Variants in CTXND1 observed in about 807,000 individuals in gnomAD.
CTXND1 encodes cortexin domain-containing 1 protein.
At chr15:80,241,309 C>A (rs148814854) in intron 1 of CTXND1, among the ~76,000 whole-genome samples, 1 of 152,190 alleles carries the variant, frequency 6.6e-6, no homozygotes, top group African/African-American at 2.4e-5. Context: ...CCTTTCCTGC[C>A]TCCTGTTCCT....
intron 1 of CTXND1, among the ~76,000 whole-genome samples, chr15:80,209,175 T>G (rs1315381193): frequency 6.6e-6 from 1 of 152,216 alleles, no homozygotes; most frequent in Non-Finnish European, 1.5e-5. Flanking sequence ...TGGATCCTTC[T>G]GGGTGGGGTG....
intron 1 of CTXND1, among the ~76,000 whole-genome samples, chr15:80,212,543 G>T (rs1192734679): frequency 6.6e-6 from 1 of 152,120 alleles, no homozygotes; most frequent in Non-Finnish European, 1.5e-5. Flanking sequence ...AAAGCCAAAG[G>T]TGGGACTGGA....
At chr15:80,248,702 T>C (rs1893661458) in intron 1 of CTXND1, among the ~76,000 whole-genome samples, 1 of 152,182 alleles carries the variant, frequency 6.6e-6, no homozygotes, top group African/African-American at 2.4e-5. Flanking sequence ...GAAGCCAGGG[T>C]AGCCGGAGGG....
At chr15:80,238,056 A>C (rs1893522576) in intron 1 of CTXND1, among the ~76,000 whole-genome samples, 2 of 152,076 alleles carry the variant, frequency 1.3e-5, no homozygotes, top group Non-Finnish European at 2.9e-5. Flanking sequence ...TTTATAAAGC[A>C]AAACACTATA....
intron 1 of CTXND1, among the ~76,000 whole-genome samples, chr15:80,213,756 C>T (rs1331679150): frequency 6.6e-6 from 1 of 152,212 alleles, no homozygotes; most frequent in East Asian, 1.9e-4. Context: ...CGAGGAGCAA[C>T]ATCTTTAGGA....
intron 1 of CTXND1, among the ~76,000 whole-genome samples, chr15:80,246,952 T>C (rs1336611917): frequency 1.3e-5 from 2 of 152,210 alleles, no homozygotes; most frequent in African/African-American, 4.8e-5. Context: ...TTCCCAGGCC[T>C]GCTGTGTGAC....
intron 1 of CTXND1, among the ~76,000 whole-genome samples, chr15:80,232,504 T>TTTC (rs1835276873): frequency 6.6e-6 from 1 of 152,208 alleles, no homozygotes; most frequent in Non-Finnish European, 1.5e-5. Context: ...AGAATCAATC[T>TTTC]TTCTTCTCCA....
rs1037079202 is a variant in CTXND1, at chr15:80,198,312, C to T, written c.*3458G>A. ...CACTAGGCACCATTGCCTGGAAAAC[C>T]CACCACCCATTCTCTGCTTTGGAGA... On this transcript the variant is annotated 3_prime_UTR_variant, in exon 3 of 3. Transcript: ENST00000560778. 17 of 152,314 alleles carry T rather than the reference C, an allele frequency of 1.1e-4. No homozygotes were observed. The highest frequency in any genetic ancestry group is 4.1e-4 in the African/African-American group (17 of 41,454). 9.4% of individuals were successfully genotyped at this position (152,314 alleles called of 1,614,324 possible).
At chr15:80,235,415 G>A (rs1313121337) in intron 1 of CTXND1, among the ~76,000 whole-genome samples, 1 of 152,222 alleles carries the variant, frequency 6.6e-6, no homozygotes, top group African/African-American at 2.4e-5. Context: ...TGCTGGCCAA[G>A]ATGGCTGGCA....
intron 1 of CTXND1, among the ~76,000 whole-genome samples, chr15:80,228,648 G>T (rs868768913): frequency 4.0e-5 from 1 of 24,704 alleles, no homozygotes; most frequent in African/African-American, 2.1e-4. Context: ...TTTTTTTTTG[G>T]AGACACAGTC....
chr15:80,198,844 G>A lies in CTXND1; in HGVS notation c.*2926C>T, dbSNP rs1013333666. 2 of 152,202 alleles carry A rather than the reference G, an allele frequency of 1.3e-5. No individual in the cohort carries two copies. The highest frequency in any genetic ancestry group is 4.8e-5 in the African/African-American group (2 of 41,456). The allele number at this position is 152,202 out of a possible 1,614,324, so 9.4% of individuals were successfully genotyped here. A position where few individuals can be genotyped will look rare whatever the true frequency, so the allele number is the denominator to read the frequency against. On this transcript the variant is annotated 3_prime_UTR_variant, in exon 3 of 3. Coordinates refer to ENST00000560778, the MANE Select transcript of CTXND1 (RefSeq NM_001352888.2). ...AATAGGAGTCTACATAATTATATAT[G>A]TGCACTAGATGTCATGTTTTATGGC...
intron 1 of CTXND1, among the ~76,000 whole-genome samples, chr15:80,229,095 C>T (rs1490871731): frequency 6.6e-6 from 1 of 152,176 alleles, no homozygotes; most frequent in African/African-American, 2.4e-5. Context: ...ACTCAACCTA[C>T]ATTTTGAAAG....
chr15:80,213,428 AG>A (rs776366096), intron 1 of CTXND1, among the ~76,000 whole-genome samples: 51 of 152,246 alleles, frequency 3.3e-4, no homozygotes, highest in South Asian at 1.2e-3. Context: ...GATTAAGTTA[AG>A]GGTGTTGGGA....
intron 1 of CTXND1, among the ~76,000 whole-genome samples, chr15:80,246,623 G>A (rs899892695): frequency 2.5e-5 from 3 of 118,026 alleles, no homozygotes; most frequent in African/African-American, 1.0e-4. Context: ...TGCCCAGGCA[G>A]AATGAACTGT....
chr15:80,237,772 G>C (rs1383367272), intron 1 of CTXND1, among the ~76,000 whole-genome samples: 1 of 152,108 alleles, frequency 6.6e-6, no homozygotes, highest in African/African-American at 2.4e-5. Context: ...ACTTTGGAAG[G>C]CTGAGGCAGA....
chr15:80,203,398 C>T (rs1038296882), intron 2 of CTXND1, among the ~76,000 whole-genome samples, 191 bp downstream of exon 2: 6 of 152,210 alleles, frequency 3.9e-5, no homozygotes, highest in South Asian at 4.1e-4. Flanking sequence ...ATCCCACACC[C>T]GAGGTCCCTA....
At chr15:80,235,093 C>T (rs1286822048) in intron 1 of CTXND1, among the ~76,000 whole-genome samples, 7 of 152,140 alleles carry the variant, frequency 4.6e-5, no homozygotes, top group Non-Finnish European at 8.8e-5. Flanking sequence ...AGCTGCTCTT[C>T]CCTGGAGGGT....
chr15:80,216,305 G>A (rs1893252694), intron 1 of CTXND1, among the ~76,000 whole-genome samples: 1 of 152,136 alleles, frequency 6.6e-6, no homozygotes, highest in Non-Finnish European at 1.5e-5. Context: ...CCTCTGCGCA[G>A]CTACATAAAT....
chr15:80,232,223 G>T, intron 1 of CTXND1, among the ~76,000 whole-genome samples: 1 of 152,070 alleles, frequency 6.6e-6, no homozygotes, highest in East Asian at 1.9e-4. Flanking sequence ...AAATTCTCCT[G>T]AATCAAAAGA....
Sources: gnomAD v4.1 joint callset for allele counts (sites outside exome capture counted in the v4.1 genomes callset) on GRCh38, gnomAD v4.1.1 for gene constraint, MANE v1.5 for transcripts, NCBI Gene and HGNC (gene_info 2026-07-23, HGNC 2026-07-21) for gene names.